GRIN2A: variants seen among roughly 807,000 people sequenced by gnomAD.
GRIN2A encodes glutamate receptor ionotropic, NMDA 2A.
In GRIN2A, 22 loss-of-function variants were observed where a neutral mutation model predicts 113.4. That is an observed-to-expected ratio of 0.19 (90% CI 0.14 to 0.28). GRIN2A has a LOEUF of 0.28. GRIN2A is among the 10% of genes least tolerant of loss of function. The probability of loss-of-function intolerance (pLI) is 1.00; values close to 1 mark genes in which losing one functional copy is unlikely to be tolerated. For synonymous variants in GRIN2A, 827 were observed against 738.4 expected (o/e 1.12, Z -1.94); for missense variants, 1,502 against 1,887.0 (o/e 0.80, Z 3.78).
At chr16:10,032,249 C>A (rs555287857) in intron 2 of GRIN2A, among the ~76,000 whole-genome samples, 136 of 152,272 alleles carry the variant, frequency 8.9e-4, no homozygotes, top group Non-Finnish European at 1.4e-3. Flanking sequence ...GCTTGTTGAG[C>A]CTTGGGTAAC....
intron 2 of GRIN2A, among the ~76,000 whole-genome samples, chr16:10,105,334 T>C (rs1285287732): frequency 6.6e-6 from 1 of 152,196 alleles, no homozygotes; most frequent in East Asian, 1.9e-4. Context: ...TGTGTCTTTC[T>C]GCAGACACAG....
At chr16:9,983,246 C>T (rs1405908332) in intron 2 of GRIN2A, among the ~76,000 whole-genome samples, 2 of 152,104 alleles carry the variant, frequency 1.3e-5, no homozygotes, top group African/African-American at 4.8e-5. Flanking sequence ...ATCCTTTAAC[C>T]AACCTGTGGC....
At chr16:9,855,861 T>C (rs183610207) in intron 4 of GRIN2A, among the ~76,000 whole-genome samples, 11 of 152,310 alleles carry the variant, frequency 7.2e-5, no homozygotes, top group African/African-American at 2.2e-4. Flanking sequence ...ACATGGTCAA[T>C]AGAGCCCTCT....
chr16:9,912,599 T>C (rs2044166809), intron 3 of GRIN2A, among the ~76,000 whole-genome samples: 1 of 152,136 alleles, frequency 6.6e-6, no homozygotes, highest in South Asian at 2.1e-4. Context: ...GTATTGCTAG[T>C]TATGAGTCTG....
At chr16:9,917,976 G>C (rs1250011110) in intron 3 of GRIN2A, among the ~76,000 whole-genome samples, 11 of 152,032 alleles carry the variant, frequency 7.2e-5, no homozygotes, top group African/African-American at 2.7e-4. Flanking sequence ...GGCATTTTTT[G>C]TTCTATTTTC....
intron 2 of GRIN2A, among the ~76,000 whole-genome samples, chr16:9,951,939 G>C (rs2141675263): frequency 6.6e-6 from 1 of 152,200 alleles, no homozygotes; most frequent in African/African-American, 2.4e-5. Flanking sequence ...TCCTTCCTCA[G>C]GGCTCAGAGG....
chr16:9,792,105 G>GTGTGTGTC (rs3831728), intron 11 of GRIN2A, among the ~76,000 whole-genome samples: 40,092 of 151,058 alleles, frequency 0.27, 5,323 homozygotes, highest in Non-Finnish European at 0.28. Context: ...GTGTGTGTGT[G>GTGTGTGTC]TGTATCTTTC....
intron 2 of GRIN2A, among the ~76,000 whole-genome samples, chr16:10,095,361 T>TA (rs1399913715): frequency 1.3e-5 from 2 of 152,184 alleles, no homozygotes; most frequent in Non-Finnish European, 2.9e-5. Context: ...TGCTGACCGA[T>TA]AAAATCTGAG....
In GRIN2A at chr16:9,753,631, T is replaced by G. The variant is rs1018063014; in HGVS notation, c.*9518A>C. 4 of 195,342 alleles carry G rather than the reference T, an allele frequency of 2.0e-5. No individual in the cohort carries two copies. Among genetic ancestry groups the G allele is most frequent in the African/African-American group, 9.2e-5 (4 of 43,252 alleles). 12.1% of individuals were successfully genotyped at this position (195,342 alleles called of 1,614,324 possible). On this transcript the variant is annotated 3_prime_UTR_variant, in exon 13 of 13. Coordinates refer to ENST00000330684, the MANE Select transcript of GRIN2A (RefSeq NM_001134407.3). ...AGACAACCATAGTATATACTTCCTC[T>G]ATCATAGAAAGGTGTTAAGCAAACA...
chr16:10,069,155 A>T (rs1189989406), intron 2 of GRIN2A, among the ~76,000 whole-genome samples: 1 of 152,180 alleles, frequency 6.6e-6, no homozygotes, highest in Non-Finnish European at 1.5e-5. Context: ...AGGATGAAGT[A>T]GGGGAGGAGT....
rs140044675 is a variant in GRIN2A at position 9,864,032 on chromosome 16, T to G, written c.1123-14071A>C. 3.3e-3 allele frequency among the ~76,000 whole-genome samples: 508 copies of G among 152,306 alleles called. 1 individual carries two copies. The highest frequency in any genetic ancestry group is 0.011 in the African/African-American group (439 of 41,580). On this transcript the variant is annotated intron_variant, in intron 4 of 12. Transcript: ENST00000330684. ...AACTTGACCTAAGGACAGTCCTTTG[T>G]TACAGTAACAGTGATAACTATTATT...
At chr16:10,001,495 C>G (rs1423130215) in intron 2 of GRIN2A, among the ~76,000 whole-genome samples, 2 of 152,188 alleles carry the variant, frequency 1.3e-5, no homozygotes, top group East Asian at 3.8e-4. Context: ...AACTCTCTGC[C>G]CTACATACCC....
chr16:9,785,032 G>A (rs1450732831), intron 11 of GRIN2A, among the ~76,000 whole-genome samples: 9 of 152,194 alleles, frequency 5.9e-5, no homozygotes, highest in Admixed American at 3.3e-4. Flanking sequence ...TCAGTGTGGC[G>A]ATTCCTCAGG....
At chr16:9,832,091 T>C (rs1474627987) in intron 8 of GRIN2A, among the ~76,000 whole-genome samples, 1 of 56,542 alleles carries the variant, frequency 1.8e-5, no homozygotes, top group Non-Finnish European at 4.6e-5. Context: ...GCTTATTTTA[T>C]TTATTTATTT....
intron 7 of GRIN2A, among the ~76,000 whole-genome samples, chr16:9,835,728 G>C (rs935570455): frequency 6.6e-6 from 1 of 152,248 alleles, no homozygotes; most frequent in African/African-American, 2.4e-5. Flanking sequence ...TAAAGAGCTA[G>C]GTTGATAGCA....
chr16:9,831,199 G>A (rs1349040869), intron 8 of GRIN2A, among the ~76,000 whole-genome samples: 1 of 152,210 alleles, frequency 6.6e-6, no homozygotes, highest in African/African-American at 2.4e-5. Context: ...CACAACTGAT[G>A]CCATCCTTTA....
chr16:9,861,956 A>T (rs1175854396), intron 4 of GRIN2A, among the ~76,000 whole-genome samples: 2 of 152,158 alleles, frequency 1.3e-5, no homozygotes, highest in African/African-American at 4.8e-5. Flanking sequence ...CATGAATAAG[A>T]ACCTTTCCTG....
At position 9,864,781 on chromosome 16, in the gene GRIN2A, G is replaced by A. The variant is rs545037864; in HGVS notation, c.1123-14820C>T. 5.3e-5 allele frequency among the ~76,000 whole-genome samples: 8 copies of A among 152,292 alleles called. No individual in the cohort carries two copies. The East Asian group carries it at 1.5e-3, about 29-fold the overall frequency. ...GTGAAAAGTTATTGCGTTGTGAGAG[G>A]TGAAATGTCTGGAACTTGGTAGCAG... On this transcript the variant is annotated intron_variant, in intron 4 of 12. Transcript: ENST00000330684.
At chr16:9,865,498 C>G (rs969031944) in intron 4 of GRIN2A, among the ~76,000 whole-genome samples, 3 of 152,162 alleles carry the variant, frequency 2.0e-5, no homozygotes, top group African/African-American at 7.2e-5. Context: ...TTGGAAGACC[C>G]AAGTCCAAGT....
Sources: gnomAD v4.1 joint callset for allele counts (sites outside exome capture counted in the v4.1 genomes callset) on GRCh38, gnomAD v4.1.1 for gene constraint, MANE v1.5 for transcripts, NCBI Gene and HGNC (gene_info 2026-07-23, HGNC 2026-07-21) for gene names.